Variants in PROX2 observed in about 807,000 individuals in gnomAD.
PROX2 encodes the protein prospero homeobox 2, also known as prospero homeobox protein 2.
In PROX2, 46 loss-of-function variants were observed where a neutral mutation model predicts 48.9. That is an observed-to-expected ratio of 0.94 (90% CI 0.74 to 1.20). The LOEUF is 1.20. Among genes scored for constraint, PROX2 ranks in the 50% most tolerant of loss-of-function variants. The pLI is 0.00. For synonymous variants in PROX2, 260 were observed against 276.6 expected (o/e 0.94, Z 0.60); for missense variants, 663 against 719.4 (o/e 0.92, Z 0.90).
In PROX2 at chr14:74,857,130, G is replaced by A. The variant is rs1392027935; in HGVS notation, c.1414-135C>T. The A allele has an allele frequency of 1.7e-5, 11 of 655,482 alleles. No individual in the cohort carries two copies. The African/African-American group carries it at 1.8e-4, about 11-fold the overall frequency. 40.6% of individuals were successfully genotyped at this position (655,482 alleles called of 1,614,324 possible). The stretch of plus-strand genomic sequence containing the variant: ...TTAACAGGGGCTTCCTTTAAAAAAA[G>A]AAGCGAAGCCACCGCTATTTTCCAA... On this transcript the variant is annotated intron_variant, in intron 4 of 5. Coordinates refer to ENST00000556489, the MANE Select transcript of PROX2 (RefSeq NM_001243007.2).
chr14:74,863,506 G>T lies in PROX2; in HGVS notation c.329C>A (p.Thr110Lys), dbSNP rs763779614. 6.2e-7 allele frequency: 1 copy of T among 1,613,526 alleles called. No homozygotes were observed. Among genetic ancestry groups the T allele is most frequent in the Non-Finnish European group, 8.5e-7 (1 of 1,179,712 alleles). Residue 110 changes from threonine (T) to lysine (K), a missense_variant, in exon 3 of 6, where the codon ACA (threonine) becomes AAA (lysine). Physicochemically the swap from Thr to Lys is moderately conservative, Grantham distance 78. Coordinates refer to ENST00000556489, the MANE Select transcript of PROX2 (RefSeq NM_001243007.2). ...RERKRKQNLP[T>K]PQGLLMPAPA... is the part of the protein sequence containing the mutation. ...GGCTGGCATCAGGAGGCCTTGCGGTGTGGGAAGGTTCTGCTTCCTCTTCCT... is the reference window on the plus strand; with the variant it reads ...GGCTGGCATCAGGAGGCCTTGCGGTTTGGGAAGGTTCTGCTTCCTCTTCCT...
intron 1 of PROX2, chr14:74,873,876 C>A (rs1883275162): frequency 1.1e-5 from 5 of 446,976 alleles, no homozygotes; most frequent in Non-Finnish European, 2.2e-5. Context: ...TGGTGGAATG[C>A]TTAGCATGGG....
At chr14:74,865,286 A>C (rs1883025575) in intron 2 of PROX2, 1 of 152,172 alleles carries the variant, frequency 6.6e-6, no homozygotes, top group South Asian at 2.1e-4. Flanking sequence ...TTCTGGGCTC[A>C]TGGAGTGAGC....
intron 2 of PROX2, among the ~76,000 whole-genome samples, chr14:74,866,016 G>T (rs1307843258): frequency 6.6e-6 from 1 of 152,182 alleles, no homozygotes; most frequent in Non-Finnish European, 1.5e-5. Flanking sequence ...CAGCACTTTG[G>T]GAGGCAGAGG....
Position 74,862,863 on chromosome 14 carries a change from G to C in PROX2, c.972C>G (p.Pro324=). The C allele has an allele frequency of 6.2e-7, 1 of 1,613,948 alleles. No individual in the cohort carries two copies. The highest frequency in any genetic ancestry group is 1.3e-5 in the African/African-American group (1 of 75,046). ...YPIPPRMTPK[P]CQDPPANFPL... The stretch of plus-strand genomic sequence containing the variant: ...GAAAGTTTGCTGGGGGATCCTGACA[G>C]GGTTTGGGGGTCATTCTTGGAGGGA... The change falls in exon 3 of 6, where the codon CCC becomes CCG. Residue 324 remains proline, a synonymous_variant. Coordinates refer to ENST00000556489, the MANE Select transcript of PROX2 (RefSeq NM_001243007.2).
chr14:74,865,838 T>C (rs1883045692), intron 2 of PROX2, among the ~76,000 whole-genome samples: 2 of 149,962 alleles, frequency 1.3e-5, no homozygotes, highest in African/African-American at 4.9e-5. Flanking sequence ...CTAAAAAAAA[T>C]CATAATCATA....
rs1346530947 is a variant in PROX2, at chr14:74,854,156, T to C, written c.*976A>G. 2.6e-6 allele frequency: 1 copy of C among 377,638 alleles called. No homozygotes were observed. 23.4% of individuals were successfully genotyped at this position (377,638 alleles called of 1,614,324 possible). ...AAGGCCCTTTCTACCTTTCACAGTC[T>C]GAAGTTCAGCTTCTTCTGCATATAT... On this transcript the variant is annotated 3_prime_UTR_variant, in exon 6 of 6. Coordinates refer to ENST00000556489, the MANE Select transcript of PROX2 (RefSeq NM_001243007.2).
At chr14:74,873,332 TC>T (rs1179372340) in intron 1 of PROX2, among the ~76,000 whole-genome samples, 9 of 152,176 alleles carry the variant, frequency 5.9e-5, no homozygotes, top group Non-Finnish European at 8.8e-5. Context: ...CTCTGCCTTT[TC>T]CCCTTCAGTT....
chr14:74,856,669 TAC>T, intron 5 of PROX2, 130 bp downstream of exon 5: 1 of 703,610 alleles, frequency 1.4e-6, no homozygotes, highest in South Asian at 1.9e-5. Flanking sequence ...TTGTGGATGA[TAC>T]AGAGATTGGC....
intron 3 of PROX2, chr14:74,859,282 G>C (rs1232886314): frequency 6.6e-6 from 1 of 152,188 alleles, no homozygotes; most frequent in Non-Finnish European, 1.5e-5. Flanking sequence ...TGTACAAACT[G>C]TTGCAGCGAT....
rs754775136 is a variant in PROX2 at position 74,863,551 on chromosome 14, C to T, written c.284G>A (p.Cys95Tyr). 3 of 1,613,288 alleles carry T rather than the reference C, an allele frequency of 1.9e-6. No individual in the cohort carries two copies. The highest frequency in any genetic ancestry group is 2.7e-5 in the African/African-American group (2 of 74,920). ...CTTCCTCTCTCGGGCCTTCTTTGGG[C>T]AGCGTGGGCTGACCCCAGCTTGCGC... ...GNAQAGVSPR[C>Y]PKKARERKRK... Residue 95 changes from cysteine (C) to tyrosine (Y), a missense_variant, in exon 3 of 6, where the codon TGC becomes TAC. Transcript: ENST00000556489.
chr14:74,870,908 G>A (rs1398156904), intron 2 of PROX2, among the ~76,000 whole-genome samples, 195 bp downstream of exon 2: 1 of 152,238 alleles, frequency 6.6e-6, no homozygotes, highest in Non-Finnish European at 1.5e-5. Context: ...TGGGCGTGGT[G>A]GCATGCATCT....
At position 74,863,248 on chromosome 14, in the gene PROX2, G is replaced by A. The variant is rs747000426; in HGVS notation, c.587C>T (p.Thr196Ile). Residue 196 changes from threonine (T) to isoleucine (I), a missense_variant, in exon 3 of 6, where the codon ACC becomes ATC. By Grantham distance (89) the Thr-to-Ile change is moderately conservative. Coordinates refer to ENST00000556489, the MANE Select transcript of PROX2 (RefSeq NM_001243007.2). ...WVVDGDHQQG[T>I]SKDLSGAEKH... ...TTCTGCCCCAGAGAGGTCCTTGCTG[G>A]TACCTTGCTGGTGGTCACCGTCCAC... The A allele has an allele frequency of 1.2e-6, 2 of 1,613,868 alleles. No individual in the cohort carries two copies. The highest frequency in any genetic ancestry group is 4.5e-5 in the East Asian group (2 of 44,894).
At chr14:74,874,778 T>A (rs1297339839) in intron 1 of PROX2, among the ~76,000 whole-genome samples, 1 of 152,214 alleles carries the variant, frequency 6.6e-6, no homozygotes, top group Non-Finnish European at 1.5e-5. Flanking sequence ...TACAAAAGAC[T>A]ACTATCTACC....
chr14:74,858,842 TTG>T (rs199587376), intron 3 of PROX2: 9,509 of 161,890 alleles, frequency 0.059, 447 homozygotes, highest in African/African-American at 0.12. Context: ...GGTTGGTGTA[TTG>T]TGTGTGTGTG....
At chr14:74,861,626 G>C (rs554481520) in intron 3 of PROX2, among the ~76,000 whole-genome samples, 3 of 152,146 alleles carry the variant, frequency 2.0e-5, no homozygotes, top group African/African-American at 7.2e-5. Flanking sequence ...CTCCTCATGG[G>C]GAGCCTCCTC....
intron 1 of PROX2, chr14:74,871,970 C>T (rs1210739113): frequency 1.3e-5 from 2 of 152,378 alleles, no homozygotes; most frequent in Non-Finnish European, 1.5e-5. Flanking sequence ...CTGGAGAGCT[C>T]CCGAAGCTCT....
Position 74,862,653 on chromosome 14 carries a change from C to G in PROX2, c.1182G>C (p.Gln394His), listed in dbSNP as rs767898623. 94 of 1,613,892 alleles carry G rather than the reference C, an allele frequency of 5.8e-5. No individual in the cohort carries two copies. Among genetic ancestry groups the G allele is most frequent in the Non-Finnish European group, 7.2e-5 (85 of 1,179,900 alleles). ...AGGTGAAAGGCAAGGGACACTGCTG[C>G]TGGCTCAGGACCAATGGTTGCGGCT... ...TTKPQPLVLS[Q>H]QQCPLPFTSA... Residue 394 changes from glutamine to histidine, a missense_variant, in exon 3 of 6, where the codon CAG becomes CAC. Physicochemically the swap from Gln to His is conservative, Grantham distance 24. Coordinates refer to ENST00000556489, the MANE Select transcript of PROX2 (RefSeq NM_001243007.2).
chr14:74,860,105 C>A (rs1267447128), intron 3 of PROX2, among the ~76,000 whole-genome samples: 10 of 152,150 alleles, frequency 6.6e-5, no homozygotes, highest in Admixed American at 6.5e-4. Flanking sequence ...TTCTCGGATA[C>A]CCGATCTTAG....
Sources: allele counts gnomAD v4.1 joint callset (sites outside exome capture counted in the v4.1 genomes callset), GRCh38; gene constraint gnomAD v4.1.1; transcripts MANE v1.5; gene names NCBI Gene and HGNC (gene_info 2026-07-23, HGNC 2026-07-21).